Variants in RAG2 observed in about 807,000 individuals in gnomAD.
The protein encoded by RAG2 is recombination activating 2.
A neutral mutation model predicts 31.8 loss-of-function variants in RAG2; 16 were observed. The ratio of observed to expected loss-of-function variants is 0.50; its 90% CI spans 0.34 to 0.76. The LOEUF (loss-of-function observed/expected upper bound fraction) is 0.76, where lower values mean the gene tolerates loss of function less well. Ranked by LOEUF, RAG2 falls within the 30% of genes least tolerant of loss-of-function variation. The pLI is 0.01. For missense variants in RAG2, 622 were observed against 628.5 expected, an observed-to-expected ratio of 0.99 and a Z score of 0.11; for synonymous variants, 199 against 215.9, an observed-to-expected ratio of 0.92 and a Z score of 0.68.
At position 36,592,003 on chromosome 11, in the gene RAG2, A is replaced by G. The variant is rs568192751; in HGVS notation, c.*582T>C. The G allele has an allele frequency of 1.3e-5, 2 of 155,078 alleles. No individual in the cohort carries two copies. The highest frequency in any genetic ancestry group is 1.9e-4 in the East Asian group (1 of 5,268). The allele number at this position is 155,078 out of a possible 1,614,324, so 9.6% of individuals were successfully genotyped here. On this transcript the variant is annotated 3_prime_UTR_variant, in exon 2 of 2. Transcript: ENST00000311485. ...TGGAGAACATTATCTATCTATATGT[A>G]TACATATATTTATATTTATATCTAC...
Position 36,593,323 on chromosome 11 carries a change from T to C in RAG2, c.846A>G (p.Gln282=), listed in dbSNP as rs928945646. 6.2e-7 allele frequency: 1 copy of C among 1,614,074 alleles called. No homozygotes were observed. The highest frequency in any genetic ancestry group is 2.2e-5 in the East Asian group (1 of 44,896). ...AGATGATGTTGCAGATCATTCTTTT[T>C]TGATTTTCAAGCTGATAGCCACCAA... ...VIVGGYQLEN[Q]KRMICNIISL... The change falls in exon 2 of 2, where the codon CAA becomes CAG. Residue 282 remains glutamine (Q), a synonymous_variant. Transcript: ENST00000311485.
chr11:36,596,710 T>C (rs765019879), intron 1 of RAG2, among the ~76,000 whole-genome samples: 6 of 152,192 alleles, frequency 3.9e-5, no homozygotes, highest in Non-Finnish European at 8.8e-5. Context: ...ATGACTGTTA[T>C]TGAGATACAA....
chr11:36,593,545 G>A lies in RAG2; in HGVS notation c.624C>T (p.Val208=), dbSNP rs1851081313. ...AGATGGTGTCATTTTTGGCAATAGA[G>A]ACATGAAAAGATAGCCCATCCTGAA... ...PELQDGLSFH[V]SIAKNDTIYI... The change falls in exon 2 of 2, where the codon GTC becomes GTT. Residue 208 remains valine, a synonymous_variant. Transcript: ENST00000311485. 2 of 1,614,140 alleles carry A rather than the reference G, an allele frequency of 1.2e-6. No homozygotes were observed. Among genetic ancestry groups the A allele is most frequent in the Non-Finnish European group, 8.5e-7 (1 of 1,180,006 alleles).
rs1251406873 is a variant in RAG2 at position 36,592,672 on chromosome 11, CT to C, written c.1496del (p.Lys499SerfsTer4). On this transcript the variant is annotated frameshift_variant, in exon 2 of 2. Coordinates refer to ENST00000311485, the MANE Select transcript of RAG2 (RefSeq NM_000536.4). LOFTEE classifies it high-confidence loss of function. ...TTTTACGGAGGGATTTCATTGGAGG[CT>C]TTTTTAAGGGTAGGACTCTTTGGGG... is the stretch of plus-strand genomic sequence containing the variant. ...HTPQRVLPLK[K>X]PPMKSLRKKG... 6.2e-7 allele frequency: 1 copy of C among 1,613,890 alleles called. No homozygotes were observed. Among genetic ancestry groups the C allele is most frequent in the Non-Finnish European group, 8.5e-7 (1 of 1,179,988 alleles).
At chr11:36,594,871 T>C (rs1851143429) in intron 1 of RAG2, 1 of 152,374 alleles carries the variant, frequency 6.6e-6, no homozygotes. Flanking sequence ...CCTGTCTGGA[T>C]GCTTAGGAGC....
downstream of RAG2, among the ~76,000 whole-genome samples, chr11:36,591,496 AAC>A (rs1216105707): frequency 1.3e-5 from 2 of 152,026 alleles, no homozygotes; most frequent in Admixed American, 1.3e-4. Context: ...CCTTAAAATT[AAC>A]AGTCATTTTA....
In RAG2 at chr11:36,592,862, G is replaced by T. The variant is rs201928772; in HGVS notation, c.1307C>A (p.Thr436Asn). ...DINTWVPFYS[T>N]ELNKPAMIYC... is the part of the protein sequence containing the mutation. Reference sequence around the variant, plus strand: ...GATCATGGCGGGTTTGTTGAGCTCAGTTGAATAGAATGGTACCCAAGTGTT... The same window carrying T: ...GATCATGGCGGGTTTGTTGAGCTCATTTGAATAGAATGGTACCCAAGTGTT... The change falls in exon 2 of 2, where the codon ACT (threonine) becomes AAT (asparagine). Residue 436 changes from threonine (T) to asparagine (N), a missense_variant. By Grantham distance (65) the Thr-to-Asn change is moderately conservative. Transcript: ENST00000311485. 3.7e-6 allele frequency: 6 copies of T among 1,614,130 alleles called. No individual in the cohort carries two copies. The highest frequency in any genetic ancestry group is 1.1e-5 in the South Asian group (1 of 91,070).
At chr11:36,597,001 G>T (rs753854017) in intron 1 of RAG2, among the ~76,000 whole-genome samples, 8 of 152,004 alleles carry the variant, frequency 5.3e-5, no homozygotes, top group Admixed American at 1.3e-4. Context: ...TCTGCTTTTG[G>T]CTCATTTCAT....
In RAG2 at chr11:36,592,689, C is replaced by G; in HGVS notation, c.1480G>C (p.Val494Leu). 1.9e-6 allele frequency: 3 copies of G among 1,614,002 alleles called. No individual in the cohort carries two copies. The highest frequency in any genetic ancestry group is 1.1e-5 in the South Asian group (1 of 91,070). Residue 494 changes from valine (V) to leucine (L), a missense_variant, in exon 2 of 2, where the codon GTC becomes CTC. Transcript: ENST00000311485. ...ATTGGAGGCTTTTTTAAGGGTAGGA[C>G]TCTTTGGGGAGTGTGTAGAGCTCTT... ...IARALHTPQR[V>L]LPLKKPPMKS...
At chr11:36,591,053 A>G (rs1851015451), downstream of RAG2, among the ~76,000 whole-genome samples, 1 of 152,206 alleles carries the variant, frequency 6.6e-6, no homozygotes, top group Non-Finnish European at 1.5e-5. Context: ...ACATATCTTA[A>G]TAATTAGAGT....
chr11:36,593,716 A>T lies in RAG2; in HGVS notation c.453T>A (p.Ser151Arg). The T allele has an allele frequency of 6.2e-7, 1 of 1,614,084 alleles. No individual in the cohort carries two copies. The highest frequency in any genetic ancestry group is 8.5e-7 in the Non-Finnish European group (1 of 1,180,024). ...AGCGTCCTCCAAAGAGAACACCCATACTTTTCCCTCGGCTGTACACCACAT... is the reference window on the plus strand; with the variant it reads ...AGCGTCCTCCAAAGAGAACACCCATTCTTTTCCCTCGGCTGTACACCACAT... Reference protein sequence around the residue: ...SINVVYSRGKSMGVLFGGRSY... With the variant: ...SINVVYSRGKRMGVLFGGRSY... The change falls in exon 2 of 2, where the codon AGT becomes AGA. Residue 151 changes from serine to arginine, a missense_variant. Coordinates refer to ENST00000311485, the MANE Select transcript of RAG2 (RefSeq NM_000536.4).
chr11:36,593,255 G>T lies in RAG2; in HGVS notation c.914C>A (p.Pro305Gln), dbSNP rs756192655. 2 of 1,614,140 alleles carry T rather than the reference G, an allele frequency of 1.2e-6. No homozygotes were observed. The highest frequency in any genetic ancestry group is 1.7e-5 in the Admixed American group (1 of 60,020). Reference protein sequence around the residue: ...NKIEIREMETPDWTPDIKHSK... With the variant: ...NKIEIREMETQDWTPDIKHSK... Reference sequence around the variant, plus strand: ...GTGCTTAATGTCTGGGGTCCAATCTGGGGTCTCCATCTCACGAATTTCTAT... The same window carrying T: ...GTGCTTAATGTCTGGGGTCCAATCTTGGGTCTCCATCTCACGAATTTCTAT... The change falls in exon 2 of 2, where the codon CCA becomes CAA. Residue 305 changes from proline to glutamine, a missense_variant. Coordinates refer to ENST00000311485, the MANE Select transcript of RAG2 (RefSeq NM_000536.4).
chr11:36,592,402 G>A lies in RAG2; in HGVS notation c.*183C>T. 1.4e-6 allele frequency: 1 copy of A among 723,638 alleles called. No individual in the cohort carries two copies. The highest frequency in any genetic ancestry group is 2.2e-6 in the Non-Finnish European group (1 of 454,828). The allele number at this position is 723,638 out of a possible 1,614,324, so 44.8% of individuals were successfully genotyped here. A position where few individuals can be genotyped will look rare whatever the true frequency, so the allele number is the denominator to read the frequency against. On this transcript the variant is annotated 3_prime_UTR_variant, in exon 2 of 2. Transcript: ENST00000311485. ...GGGTAAAATATTTTCAAAATGTATA[G>A]GGTCTAGAATGACTTTATTTATCAT...
chr11:36,597,497 C>T (rs1281821567), intron 1 of RAG2: 2 of 152,124 alleles, frequency 1.3e-5, no homozygotes, highest in East Asian at 3.8e-4. Context: ...TACAATTTTC[C>T]CAACCCCATG....
At chr11:36,591,456 G>A (rs925705266), downstream of RAG2, among the ~76,000 whole-genome samples, 1 of 151,868 alleles carries the variant, frequency 6.6e-6, no homozygotes, top group Non-Finnish European at 1.5e-5. Context: ...TGTTTCTAAG[G>A]TCATCTAGTT....
In RAG2 at chr11:36,592,261, T is replaced by C; in HGVS notation, c.*324A>G. The C allele has an allele frequency of 3.3e-6, 1 of 301,860 alleles. No individual in the cohort carries two copies. The highest frequency in any genetic ancestry group is 8.4e-5 in the East Asian group (1 of 11,976). 18.7% of individuals were successfully genotyped at this position (301,860 alleles called of 1,614,324 possible). ...AGGTTATTTGTTACCAAGACTTATA[T>C]AATAAATATAAACATACCTCGATGA... is the stretch of plus-strand genomic sequence containing the variant. On this transcript the variant is annotated 3_prime_UTR_variant, in exon 2 of 2. Coordinates refer to ENST00000311485, the MANE Select transcript of RAG2 (RefSeq NM_000536.4).
rs918016464 is a variant in RAG2 at position 36,593,436 on chromosome 11, G to A, written c.733C>T (p.Pro245Ser). The A allele has an allele frequency of 1.2e-6, 2 of 1,613,846 alleles. No individual in the cohort carries two copies. Among genetic ancestry groups the A allele is most frequent in the Non-Finnish European group, 1.7e-6 (2 of 1,180,038 alleles). ...RIRVDLPLGS[P>S]AVNCTVLPGG... ...GGCAAGACTGTGCAATTCACAGCTG[G>A]GCTACCCAGGGGAAGATCAACCCTT... The change falls in exon 2 of 2, where the codon CCA (proline) becomes TCA (serine). Residue 245 changes from proline to serine, a missense_variant. Physicochemically the swap from Pro to Ser is moderately conservative, Grantham distance 74 (BLOSUM62 -1). Coordinates refer to ENST00000311485, the MANE Select transcript of RAG2 (RefSeq NM_000536.4).
intron 1 of RAG2, chr11:36,597,779 T>C (rs1851333051): frequency 6.6e-6 from 1 of 152,216 alleles, no homozygotes; most frequent in Non-Finnish European, 1.5e-5. Context: ...TCTTGCACTG[T>C]TAATCAGGTT....
Position 36,592,429 on chromosome 11 carries a change from G to T in RAG2, c.*156C>A. ...GTCTAGAATGACTTTATTTATCATT[G>T]CATTATAAACACTTTTTTCTGGCCC... On this transcript the variant is annotated 3_prime_UTR_variant, in exon 2 of 2. Transcript: ENST00000311485. The T allele has an allele frequency of 2.2e-6, 2 of 906,596 alleles. No homozygotes were observed. The allele number at this position is 906,596 out of a possible 1,614,324, so 56.2% of individuals were successfully genotyped here.
Sources: allele counts gnomAD v4.1 joint callset (sites outside exome capture counted in the v4.1 genomes callset), GRCh38; gene constraint gnomAD v4.1.1; transcripts MANE v1.5; gene names NCBI Gene and HGNC (gene_info 2026-07-23, HGNC 2026-07-21).